CAPN15: variants seen among roughly 807,000 people sequenced by gnomAD.
The protein encoded by CAPN15 is calpain 15.
CAPN15 carries 53 observed loss-of-function variants against 97.9 expected under a neutral mutation model. The observed-to-expected ratio is 0.54, with a 90% CI of 0.43 to 0.68. The LOEUF (loss-of-function observed/expected upper bound fraction) is 0.68. Ranked by LOEUF, CAPN15 falls within the 30% of genes least tolerant of loss-of-function variation. The pLI, the probability that CAPN15 is intolerant of heterozygous loss-of-function variation, is 0.00. For synonymous variants in CAPN15, 922 were observed against 722.5 expected (o/e 1.28, Z -4.43); for missense variants, 1,592 against 1,589.8 (o/e 1.00, Z -0.02).
In CAPN15 at chr16:547,519, C is replaced by A; in HGVS notation, c.681C>A (p.Pro227=). The A allele has an allele frequency of 6.3e-7, 1 of 1,598,240 alleles. No homozygotes were observed. Among genetic ancestry groups the A allele is most frequent in the Non-Finnish European group, 8.5e-7 (1 of 1,179,160 alleles). The change falls in exon 4 of 14, where the codon CCC becomes CCA. Residue 227 remains proline (P), a synonymous_variant. Transcript: ENST00000219611. ...GCCCAGCTGCCGAACCAGAGCCGCC[C>A]AGGGTCCCGCCCTTCAGCCCCTTCT... is the stretch of plus-strand genomic sequence containing the variant. ...SQGPAAEPEP[P]RVPPFSPFSS...
rs1295122574 is a variant in CAPN15, at chr16:554,525, GAC to G, written c.*1013_*1014del. Reference sequence around the variant, plus strand: ...CCCTGTAAATACGGCCAGCTCTTGTGACACAGAGACTATTTTATCAATTGTCA... The same window carrying G: ...CCCTGTAAATACGGCCAGCTCTTGTGACAGAGACTATTTTATCAATTGTCA... On this transcript the variant is annotated 3_prime_UTR_variant, in exon 14 of 14. Transcript: ENST00000219611. 7 of 456,220 alleles carry G rather than the reference GAC, an allele frequency of 1.5e-5. No individual in the cohort carries two copies. Among genetic ancestry groups the G allele is most frequent in the South Asian group, 1.1e-4 (7 of 64,568 alleles). 28.3% of individuals were successfully genotyped at this position (456,220 alleles called of 1,614,324 possible).
Position 547,146 on chromosome 16 carries a change from A to C in CAPN15, c.308A>C (p.Glu103Ala). The change falls in exon 4 of 14, where the codon GAG becomes GCG. Residue 103 changes from glutamate to alanine, a missense_variant. Glu to Ala is a moderately radical substitution (Grantham distance 107, BLOSUM62 -1). Coordinates refer to ENST00000219611, the MANE Select transcript of CAPN15 (RefSeq NM_005632.3). ...ILGEPKGSCQEEAGPVRTAGL... is the reference protein window; with the variant it reads ...ILGEPKGSCQAEAGPVRTAGL... Reference sequence around the variant, plus strand: ...GGGGAGCCCAAGGGCAGCTGCCAGGAGGAAGCAGGTCCAGTGAGGACTGCG... The same window carrying C: ...GGGGAGCCCAAGGGCAGCTGCCAGGCGGAAGCAGGTCCAGTGAGGACTGCG... The C allele has an allele frequency of 6.4e-7, 1 of 1,552,900 alleles. No homozygotes were observed. Among genetic ancestry groups the C allele is most frequent in the Non-Finnish European group, 8.7e-7 (1 of 1,151,772 alleles).
chr16:552,496 G>A lies in CAPN15; in HGVS notation c.2703G>A (p.Trp901Ter). Reference sequence around the variant, plus strand: ...TGGTGTGCTGCGCCTTCAACCACTGGGGGCCGCCCCTGCCGGGCACCCCTG... The same window carrying A: ...TGGTGTGCTGCGCCTTCAACCACTGAGGGCCGCCCCTGCCGGGCACCCCTG... ...YAVVCCAFNH[W>*]GPPLPGTPAP... Residue 901 changes from tryptophan to a stop codon, truncating the protein, a stop_gained, in exon 11 of 14, where the codon TGG (tryptophan) becomes TGA (stop). Coordinates refer to ENST00000219611, the MANE Select transcript of CAPN15 (RefSeq NM_005632.3). LOFTEE classifies it high-confidence loss of function. This position sits in a 1 kb window ranked among gnomAD's most constrained non-coding sequence, Gnocchi z 6.4. 1 of 1,606,748 alleles carries A rather than the reference G, an allele frequency of 6.2e-7. No individual in the cohort carries two copies. The highest frequency in any genetic ancestry group is 8.5e-7 in the Non-Finnish European group (1 of 1,179,252).
At chr16:534,993 ATTAG>A (rs1477589283) in intron 2 of CAPN15, among the ~76,000 whole-genome samples, 1 of 152,076 alleles carries the variant, frequency 6.6e-6, no homozygotes, top group African/African-American at 2.4e-5. Flanking sequence ...CGTGTACATG[ATTAG>A]TTAGCGAGAC....
chr16:537,309 C>T (rs1309131887), intron 3 of CAPN15: 16 of 985,430 alleles, frequency 1.6e-5, no homozygotes, highest in Non-Finnish European at 1.8e-5. Flanking sequence ...GTGAGCAGCT[C>T]GCTTCCTGCC....
In CAPN15 at chr16:551,714, C is replaced by T. The variant is rs374445321; in HGVS notation, c.2345+50C>T. On this transcript the variant is annotated intron_variant, in intron 9 of 13. Coordinates refer to ENST00000219611, the MANE Select transcript of CAPN15 (RefSeq NM_005632.3). ...CACGCCGCCCCCGCCCTCCTAGGGCCGAGTCCTTCTCTGGAGAACAAGCCT... is the reference window on the plus strand; with the variant it reads ...CACGCCGCCCCCGCCCTCCTAGGGCTGAGTCCTTCTCTGGAGAACAAGCCT... The T allele has an allele frequency of 3.2e-4, 503 of 1,574,428 alleles. 2 individuals are homozygous for T. In the Middle Eastern group the frequency reaches 1.0e-2, roughly 31 times the overall value.
chr16:549,493 G>T, intron 6 of CAPN15, 22 bp downstream of exon 6: 2 of 1,561,076 alleles, frequency 1.3e-6, no homozygotes, highest in South Asian at 1.1e-5. Flanking sequence ...TGCAGGGTGG[G>T]CACGGGCGGC....
chr16:533,793 AGCTCGGAC>A lies in CAPN15; in HGVS notation c.-189-152_-189-145del, dbSNP rs1406753737. ...GCTCGGACAGACACCCAAGGACAGA[AGCTCGGAC>A]AGCTTCTAAGGCGAAGGGTCTCCCG... On this transcript the variant is annotated intron_variant, in intron 1 of 13. Transcript: ENST00000219611. Among the ~76,000 whole-genome samples the A allele has an allele frequency of 7.9e-5, 12 of 152,252 alleles. No homozygotes were observed. The South Asian group carries it at 2.1e-3, about 26-fold the overall frequency.
rs770339433 is a variant in CAPN15 at position 552,442 on chromosome 16, C to T, written c.2649C>T (p.Asp883=). The part of the protein sequence containing the change: ...KRAVKKFVSC[D]VMLEPGEYAV... ...CGGTCAAGAAGTTCGTCAGCTGCGACGTCATGCTGGAGCCTGGCGAGTACG... is the reference window on the plus strand; with the variant it reads ...CGGTCAAGAAGTTCGTCAGCTGCGATGTCATGCTGGAGCCTGGCGAGTACG... The change falls in exon 11 of 14, where the codon GAC becomes GAT. Residue 883 remains aspartate, a synonymous_variant. Coordinates refer to ENST00000219611, the MANE Select transcript of CAPN15 (RefSeq NM_005632.3). The surrounding 1 kb of genome is among the most constrained non-coding windows in gnomAD (Gnocchi z 6.4). 3.2e-5 allele frequency: 52 copies of T among 1,610,122 alleles called. No individual in the cohort carries two copies. The highest frequency in any genetic ancestry group is 8.3e-5 in the Admixed American group (5 of 59,964).
At chr16:548,442 C>G (rs1055373680) in intron 4 of CAPN15, among the ~76,000 whole-genome samples, 155 bp downstream of exon 4, 5 of 152,230 alleles carry the variant, frequency 3.3e-5, no homozygotes, top group Non-Finnish European at 7.3e-5. Flanking sequence ...GCTCCAAGCT[C>G]CCAATGGCCC....
intron 5 of CAPN15, 38 bp downstream of exon 5, chr16:549,239 C>CGGGGGGGGGGGGGG: frequency 8.4e-7 from 1 of 1,186,766 alleles, no homozygotes; most frequent in South Asian, 3.3e-5. Flanking sequence ...GGCGGGTGGG[C>CGGGGGGGGGGGGGG]GGGCGACCGG....
intron 7 of CAPN15, among the ~76,000 whole-genome samples, chr16:550,781 CGGT>C (rs1329524360): frequency 1.2e-4 from 9 of 72,140 alleles, no homozygotes; most frequent in Non-Finnish European, 1.8e-4. Context: ...GTGAGGGTCC[CGGT>C]CGGTGAGGGT....
At chr16:545,656 CCT>C (rs2034535157) in intron 3 of CAPN15, among the ~76,000 whole-genome samples, 1 of 152,260 alleles carries the variant, frequency 6.6e-6, no homozygotes, top group Non-Finnish European at 1.5e-5. Context: ...TTCTCATTCT[CCT>C]CTCTGGAGCT....
intron 1 of CAPN15, among the ~76,000 whole-genome samples, chr16:530,005 C>T (rs537106386): frequency 1.8e-4 from 28 of 152,338 alleles, no homozygotes; most frequent in African/African-American, 6.5e-4. Flanking sequence ...GCAGGAGTGC[C>T]CAGAAGCCCA....
Position 545,758 on chromosome 16 carries a change from CG to C in CAPN15, c.-22-1057del, listed in dbSNP as rs1327242979. ...CCCAGCCCACCTCTGCCTGCACCTG[CG>C]GTCAGCGGGGTGCAGAGTCTGTGAA... is the stretch of plus-strand genomic sequence containing the variant. On this transcript the variant is annotated intron_variant, in intron 3 of 13. Coordinates refer to ENST00000219611, the MANE Select transcript of CAPN15 (RefSeq NM_005632.3). 5.3e-5 allele frequency among the ~76,000 whole-genome samples: 8 copies of C among 152,352 alleles called. No individual in the cohort carries two copies. The South Asian group carries it at 1.4e-3, about 28-fold the overall frequency.
At chr16:530,152 C>CT (rs2033147301) in intron 1 of CAPN15, among the ~76,000 whole-genome samples, 2 of 152,232 alleles carry the variant, frequency 1.3e-5, no homozygotes, top group South Asian at 4.1e-4. Flanking sequence ...GGAGAGAACG[C>CT]TGAGGTCTGT....
At position 551,064 on chromosome 16, in the gene CAPN15, C is replaced by T. The variant is rs1446148131; in HGVS notation, c.2067-238C>T. On this transcript the variant is annotated intron_variant, in intron 7 of 13. Coordinates refer to ENST00000219611, the MANE Select transcript of CAPN15 (RefSeq NM_005632.3). Reference sequence around the variant, plus strand: ...GCCCCGGTCGGTGAGGGTCCCCGGTCGGTGAGGTCCCCGGTCGGTGAGGGC... The same window carrying T: ...GCCCCGGTCGGTGAGGGTCCCCGGTTGGTGAGGTCCCCGGTCGGTGAGGGC... 1.4e-4 allele frequency among the ~76,000 whole-genome samples: 15 copies of T among 107,998 alleles called. 1 individual carries two copies. Among genetic ancestry groups the T allele is most frequent in the South Asian group, 3.1e-4 (1 of 3,188 alleles). The allele number at this position is 107,998 out of a possible 152,430, so 70.9% of individuals were successfully genotyped here.
chr16:528,582 C>T (rs2033021013), intron 1 of CAPN15, among the ~76,000 whole-genome samples: 1 of 152,224 alleles, frequency 6.6e-6, no homozygotes, highest in Non-Finnish European at 1.5e-5. Flanking sequence ...TGGGAAGTTG[C>T]AAATCTGCTG....
At chr16:532,114 C>T (rs1435161204) in intron 1 of CAPN15, among the ~76,000 whole-genome samples, 1 of 151,624 alleles carries the variant, frequency 6.6e-6, no homozygotes, top group African/African-American at 2.4e-5. Flanking sequence ...GTGGTGTGTG[C>T]CTGTAATCCC....
Sources: allele counts gnomAD v4.1 joint callset (sites outside exome capture counted in the v4.1 genomes callset), GRCh38; gene constraint gnomAD v4.1.1; non-coding constraint Gnocchi (gnomAD v3.1); transcripts MANE v1.5; gene names NCBI Gene and HGNC (gene_info 2026-07-23, HGNC 2026-07-21).